DNM1: variants seen among roughly 807,000 people sequenced by gnomAD.
The protein encoded by DNM1 is dynamin 1.
In DNM1, 29 loss-of-function variants were observed where a neutral mutation model predicts 104.6. The observed-to-expected ratio is 0.28, with a 90% CI of 0.21 to 0.38. The LOEUF (loss-of-function observed/expected upper bound fraction) is 0.38, where lower values mean the gene tolerates loss of function less well. DNM1 is among the 10% of genes least tolerant of loss of function. The probability of loss-of-function intolerance (pLI) is 1.00; values close to 1 mark genes in which losing one functional copy is unlikely to be tolerated. For missense variants in DNM1, 640 were observed against 1,189.4 expected (o/e 0.54, Z 6.79); for synonymous variants, 445 against 475.8 (o/e 0.94, Z 0.84).
At chr9:128,244,062 TG>T (rs906294157) in intron 15 of DNM1, among the ~76,000 whole-genome samples, 17 of 151,046 alleles carry the variant, frequency 1.1e-4, no homozygotes, top group Non-Finnish European at 2.2e-4. Context: ...CATTTGCATC[TG>T]GGGGTGAAAT....
intron 10 of DNM1, chr9:128,232,233 A>C (rs1835739582): frequency 5.7e-6 from 2 of 352,428 alleles, no homozygotes; most frequent in Non-Finnish European, 1.1e-5. Flanking sequence ...GGACCACCTC[A>C]GAGGAGGCCT....
In DNM1 at chr9:128,243,583, C is replaced by A. The variant is rs911297245; in HGVS notation, c.1671+1238C>A. Reference sequence around the variant, plus strand: ...ACCCTGGCCTCCCCCACCATGGGGGCCCCTGGAAGGGATGGAGTGTGCAGT... The same window carrying A: ...ACCCTGGCCTCCCCCACCATGGGGGACCCTGGAAGGGATGGAGTGTGCAGT... On this transcript the variant is annotated intron_variant, in intron 15 of 21. Coordinates refer to ENST00000372923, the MANE Select transcript of DNM1 (RefSeq NM_004408.4). The surrounding 1 kb of genome is among the most constrained non-coding windows in gnomAD (Gnocchi z 4.0). 6.6e-6 allele frequency among the ~76,000 whole-genome samples: 1 copy of A among 152,202 alleles called. No individual in the cohort carries two copies. Among genetic ancestry groups the A allele is most frequent in the Non-Finnish European group, 1.5e-5 (1 of 68,026 alleles).
At position 128,222,168 on chromosome 9, in the gene DNM1, C is replaced by T. The variant is rs1436365614; in HGVS notation, c.850-29C>T. ...CTTCCTGGCCCTGTGACCATCTGTC[C>T]TCAACCCTTTCCTCACCCTTACCCC... On this transcript the variant is annotated intron_variant, in intron 6 of 21. Transcript: ENST00000372923. This position sits in a 1 kb window ranked among gnomAD's most constrained non-coding sequence, Gnocchi z 7.8. 1.9e-6 allele frequency: 3 copies of T among 1,597,620 alleles called. No homozygotes were observed. In the East Asian group the frequency reaches 6.7e-5, roughly 36 times the overall value.
In DNM1 at chr9:128,247,350, C is replaced by T. The variant is rs1467038391; in HGVS notation, c.1782-25C>T. ...GGAGGGTCAGACTTTGCCCATCTGCCCTCACTGCCTGCCCTATCTTGCAGG... is the reference window on the plus strand; with the variant it reads ...GGAGGGTCAGACTTTGCCCATCTGCTCTCACTGCCTGCCCTATCTTGCAGG... On this transcript the variant is annotated intron_variant, in intron 16 of 21. Transcript: ENST00000372923. The surrounding 1 kb of genome is among the most constrained non-coding windows in gnomAD (Gnocchi z 5.1). The T allele has an allele frequency of 1.3e-6, 2 of 1,564,538 alleles. No individual in the cohort carries two copies. Among genetic ancestry groups the T allele is most frequent in the South Asian group, 2.3e-5 (2 of 88,622 alleles).
intron 15 of DNM1, chr9:128,244,876 C>G: frequency 2.1e-6 from 1 of 486,302 alleles, no homozygotes; most frequent in Non-Finnish European, 4.4e-6. Flanking sequence ...CGCTTCAGCC[C>G]CATCCCCTGG....
chr9:128,209,813 G>A (rs1050112187), intron 1 of DNM1, among the ~76,000 whole-genome samples: 3 of 152,206 alleles, frequency 2.0e-5, no homozygotes, highest in African/African-American at 4.8e-5. Flanking sequence ...CTGCTTGAGA[G>A]GGAATTCTGG....
rs377178808 is a variant in DNM1, at chr9:128,218,607, G to A, written c.261G>A (p.Lys87=). 77 of 1,613,194 alleles carry A rather than the reference G, an allele frequency of 4.8e-5. No homozygotes were observed. Among genetic ancestry groups the A allele is most frequent in the Non-Finnish European group, 6.4e-5 (75 of 1,179,434 alleles). The change falls in exon 3 of 22, where the codon AAG becomes AAA. Residue 87 remains lysine, a synonymous_variant. Coordinates refer to ENST00000372923, the MANE Select transcript of DNM1 (RefSeq NM_004408.4). This position sits in a 1 kb window ranked among gnomAD's most constrained non-coding sequence, Gnocchi z 4.8. The stretch of plus-strand genomic sequence containing the variant: ...AATATGCCGAGTTCCTGCACTGCAA[G>A]GGAAAGAAATTCACCGACTTCGAGG... The part of the protein sequence containing the change: ...TTEYAEFLHC[K]GKKFTDFEEV...
At chr9:128,250,603 G>C in intron 20 of DNM1, 122 bp from the exon 21 acceptor site, 1 of 1,030,204 alleles carries the variant, frequency 9.7e-7, no homozygotes, top group Non-Finnish European at 1.3e-6. Context: ...ACCGCCTTAG[G>C]GGTGCGGCAG....
Position 128,250,164 on chromosome 9 carries a change from G to A in DNM1, c.2126G>A (p.Gly709Glu). The A allele has an allele frequency of 6.2e-7, 1 of 1,614,200 alleles. No individual in the cohort carries two copies. Among genetic ancestry groups the A allele is most frequent in the Non-Finnish European group, 8.5e-7 (1 of 1,180,032 alleles). ...CTGCTGGCCAACCTGTACTCGTGTGGGGACCAGAACACGCTGATGGAGGAG... is the reference window on the plus strand; with the variant it reads ...CTGCTGGCCAACCTGTACTCGTGTGAGGACCAGAACACGCTGATGGAGGAG... ...SELLANLYSC[G>E]DQNTLMEESA... The change falls in exon 20 of 22, where the codon GGG (glycine) becomes GAG (glutamate). Residue 709 changes from glycine to glutamate, a missense_variant. Around this residue, in one of 7 missense-constraint regions of DNM1, gnomAD observed 129 missense variants for 224.6 expected, o/e 0.57. Coordinates refer to ENST00000372923, the MANE Select transcript of DNM1 (RefSeq NM_004408.4).
Position 128,248,743 on chromosome 9 carries a change from T to C in DNM1, c.2066T>C (p.Met689Thr). The C allele has an allele frequency of 6.2e-7, 1 of 1,613,008 alleles. No individual in the cohort carries two copies. The highest frequency in any genetic ancestry group is 8.5e-7 in the Non-Finnish European group (1 of 1,179,088). The change falls in exon 19 of 22, where the codon ATG becomes ACG. Residue 689 changes from methionine to threonine, a missense_variant. Coordinates refer to ENST00000372923, the MANE Select transcript of DNM1 (RefSeq NM_004408.4). This position sits in a 1 kb window ranked among gnomAD's most constrained non-coding sequence, Gnocchi z 5.6. ...DLMPKTIMHL[M>T]INNTKEFIFS... is the part of the protein sequence containing the mutation. ...ATGCCCAAGACCATCATGCACCTCA[T>C]GATTAACAATGTGCGTGCTCCACTG...
intron 14 of DNM1, among the ~76,000 whole-genome samples, chr9:128,241,641 G>C (rs1341553170): frequency 6.6e-6 from 1 of 152,174 alleles, no homozygotes; most frequent in Non-Finnish European, 1.5e-5. Context: ...CACGCACGTA[G>C]AGAAGTTAAT....
rs1419066684 is a variant in DNM1 at position 128,247,064 on chromosome 9, T to C, written c.1782-311T>C. On this transcript the variant is annotated intron_variant, in intron 16 of 21. Transcript: ENST00000372923. The surrounding 1 kb of genome is among the most constrained non-coding windows in gnomAD (Gnocchi z 5.1). ...GTCCTTAGAGAGCCACGGAGAAAGC[T>C]GGTGGGATCTGGGCCCCAAGCTAGA... 3 of 265,094 alleles carry C rather than the reference T, an allele frequency of 1.1e-5. No individual in the cohort carries two copies. Among genetic ancestry groups the C allele is most frequent in the Non-Finnish European group, 2.2e-5 (3 of 137,072 alleles). 16.4% of individuals were successfully genotyped at this position (265,094 alleles called of 1,614,324 possible). A position where few individuals can be genotyped will look rare whatever the true frequency, so the allele number is the denominator to read the frequency against.
rs1057521629 is a variant in DNM1 at position 128,250,276 on chromosome 9, C to T, written c.2238C>T (p.Asn746=). 5.6e-6 allele frequency: 9 copies of T among 1,613,240 alleles called. No homozygotes were observed. The African/African-American group carries it at 9.3e-5, about 17-fold the overall frequency. The change falls in exon 20 of 22, where the codon AAC becomes AAT. Residue 746 remains asparagine (N), a synonymous_variant. Coordinates refer to ENST00000372923, the MANE Select transcript of DNM1 (RefSeq NM_004408.4). ...KEALSIIGDI[N]TTTVSTPMPP... is the part of the protein sequence containing the mutation. ...CGCTCAGCATCATCGGCGACATCAA[C>T]ACGACCACCGTCAGCACGCCCATGC...
Position 128,245,563 on chromosome 9 carries a change from C to T in DNM1, c.1672-831C>T, listed in dbSNP as rs1030116120. 6.6e-6 allele frequency among the ~76,000 whole-genome samples: 1 copy of T among 152,150 alleles called. No homozygotes were observed. Among genetic ancestry groups the T allele is most frequent in the African/African-American group, 2.4e-5 (1 of 41,424 alleles). On this transcript the variant is annotated intron_variant, in intron 15 of 21. Transcript: ENST00000372923. This position sits in a 1 kb window ranked among gnomAD's most constrained non-coding sequence, Gnocchi z 5.2. The stretch of plus-strand genomic sequence containing the variant: ...ACACACATGGGCCTAGCACCCCACA[C>T]GCCTGTGCACAGATACACATAACTC...
At chr9:128,214,568 A>AGGGGTC (rs1275238269) in intron 1 of DNM1, among the ~76,000 whole-genome samples, 2 of 152,156 alleles carry the variant, frequency 1.3e-5, no homozygotes, top group Non-Finnish European at 2.9e-5. Flanking sequence ...GGGTAGGGGT[A>AGGGGTC]GGGGTCACAT....
Position 128,203,410 on chromosome 9 carries a change from G to T in DNM1, c.-61G>T, listed in dbSNP as rs888680935. ...GGCGCGCGGCTGCAGCGGCGGAGCC[G>T]GAGTCGGAGCCGGGAGCGCTAGCGG... On this transcript the variant is annotated 5_prime_UTR_variant, in exon 1 of 22. Transcript: ENST00000372923. This position sits in a 1 kb window ranked among gnomAD's most constrained non-coding sequence, Gnocchi z 5.3. 2.2e-6 allele frequency: 3 copies of T among 1,354,748 alleles called. No homozygotes were observed. The highest frequency in any genetic ancestry group is 3.1e-5 in the African/African-American group (2 of 65,070). 83.9% of individuals were successfully genotyped at this position (1,354,748 alleles called of 1,614,324 possible). A position where few individuals can be genotyped will look rare whatever the true frequency, so the allele number is the denominator to read the frequency against.
chr9:128,234,850 T>C (rs988146638), intron 11 of DNM1: 1 of 152,036 alleles, frequency 6.6e-6, no homozygotes, highest in African/African-American at 2.4e-5. Flanking sequence ...TGGAGTACAG[T>C]GGCATGAAAT....
At chr9:128,209,094 G>C (rs927677930) in intron 1 of DNM1, among the ~76,000 whole-genome samples, 16 of 152,192 alleles carry the variant, frequency 1.1e-4, no homozygotes, top group African/African-American at 3.9e-4. Flanking sequence ...CACCCACCTG[G>C]AGAGCTGCCA....
intron 15 of DNM1, among the ~76,000 whole-genome samples, chr9:128,244,146 G>A (rs1456061713): frequency 6.6e-6 from 1 of 151,668 alleles, no homozygotes; most frequent in Non-Finnish European, 1.5e-5. Flanking sequence ...GTGGGGAGGG[G>A]GCTCTAGGAG....
Sources: gnomAD v4.1 joint callset for allele counts (sites outside exome capture counted in the v4.1 genomes callset) on GRCh38, gnomAD v4.1.1 for gene constraint, gnomAD v4.1.1 regional missense constraint, Gnocchi (gnomAD v3.1) non-coding constraint, MANE v1.5 for transcripts, NCBI Gene and HGNC (gene_info 2026-07-23, HGNC 2026-07-21) for gene names.